Variants in STK3 observed in about 807,000 individuals in gnomAD.
The protein encoded by STK3 is serine/threonine kinase 3.
STK3 carries 41 observed loss-of-function variants against 58.0 expected under a neutral mutation model. That is an observed-to-expected ratio of 0.71 (90% CI 0.55 to 0.92). The LOEUF (loss-of-function observed/expected upper bound fraction) is 0.92, where lower values mean the gene tolerates loss of function less well. Ranked by LOEUF, STK3 falls within the 40% of genes least tolerant of loss-of-function variation. The pLI is 0.00. For synonymous variants in STK3, 170 were observed against 191.0 expected (o/e 0.89, Z 0.91); for missense variants, 479 against 602.7 (o/e 0.79, Z 2.15).
At chr8:98,620,925 A>AAT (rs1563814568) in intron 6 of STK3, among the ~76,000 whole-genome samples, 2 of 130,254 alleles carry the variant, frequency 1.5e-5, no homozygotes, top group Non-Finnish European at 1.6e-5. Context: ...AAAACAACTG[A>AAT]TTTTTTTTTT....
In STK3 at chr8:98,607,063, T is replaced by C. The variant is rs182752464; in HGVS notation, c.685-10894A>G. ...GGTTAGCAGTAGAACAGAACCACAG[T>C]ACACTCAATTTGTGTTGAAATAGAA... is the stretch of plus-strand genomic sequence containing the variant. On this transcript the variant is annotated intron_variant, in intron 6 of 10. Transcript: ENST00000419617. Among the ~76,000 whole-genome samples the C allele has an allele frequency of 3.0e-4, 45 of 152,342 alleles. No individual in the cohort carries two copies. The East Asian group carries it at 8.7e-3, about 29-fold the overall frequency.
At chr8:98,907,995 C>T (rs1466578984) in intron 1 of STK3, among the ~76,000 whole-genome samples, 3 of 152,184 alleles carry the variant, frequency 2.0e-5, no homozygotes, top group African/African-American at 7.2e-5. Flanking sequence ...TTCCTCTACT[C>T]CCCTTTATCT....
intron 10 of STK3, among the ~76,000 whole-genome samples, chr8:98,501,871 T>C (rs1823628951): frequency 6.6e-6 from 1 of 152,238 alleles, no homozygotes; most frequent in South Asian, 2.1e-4. Context: ...TTGCTTAGGA[T>C]TGTATTGCCT....
intron 1 of STK3, among the ~76,000 whole-genome samples, chr8:98,925,408 G>A (rs1839750198): frequency 6.6e-6 from 1 of 152,188 alleles, no homozygotes; most frequent in Non-Finnish European, 1.5e-5. Flanking sequence ...AAGTTCCTTA[G>A]CTCTCCCAAG....
chr8:98,485,429 TAGTC>T (rs909766084), intron 10 of STK3, among the ~76,000 whole-genome samples: 33 of 152,218 alleles, frequency 2.2e-4, no homozygotes, highest in African/African-American at 7.2e-4. Flanking sequence ...CTCTAGAAAA[TAGTC>T]AGCAGAAGAC....
chr8:98,778,200 C>T (rs1366270884), intron 1 of STK3, among the ~76,000 whole-genome samples: 1 of 152,090 alleles, frequency 6.6e-6, no homozygotes, highest in African/African-American at 2.4e-5. Context: ...ACAAACAACC[C>T]CATCAAAAAG....
At chr8:98,352,417 T>A in the STK3 span, among the ~76,000 whole-genome samples, 1 of 152,134 alleles carries the variant, frequency 6.6e-6, no homozygotes, top group African/African-American at 2.4e-5. Flanking sequence ...GCATCCCTAA[T>A]CTGAAAATCT....
At chr8:98,509,148 A>G in intron 10 of STK3, among the ~76,000 whole-genome samples, 1 of 152,104 alleles carries the variant, frequency 6.6e-6, no homozygotes. Context: ...AAATAATTAT[A>G]CGAACAAAAT....
downstream of STK3, among the ~76,000 whole-genome samples, chr8:98,453,498 T>C (rs973674565): frequency 1.3e-5 from 2 of 152,182 alleles, no homozygotes; most frequent in African/African-American, 4.8e-5. Context: ...TCCTAAAATG[T>C]TTTGGAGTTT....
rs111308116 is a variant in STK3 at position 98,614,636 on chromosome 8, G to A, written c.685-18467C>T. On this transcript the variant is annotated intron_variant, in intron 6 of 10. Coordinates refer to ENST00000419617, the MANE Select transcript of STK3 (RefSeq NM_006281.4). ...GCGAGCCGAAGCAGGGCGAGGCATT[G>A]CCTCACCTGGGAAGCGCAAGGGGTC... Among the ~76,000 whole-genome samples, 99 of 152,358 alleles carry A rather than the reference G, an allele frequency of 6.5e-4. 1 individual carries two copies. In the South Asian group the frequency reaches 8.7e-3, roughly 13 times the overall value.
intron 10 of STK3, among the ~76,000 whole-genome samples, chr8:98,456,821 A>G (rs1347247497): frequency 6.6e-6 from 1 of 152,240 alleles, no homozygotes; most frequent in East Asian, 1.9e-4. Context: ...CAAGCTAGGA[A>G]AAATACTCAT....
chr8:98,643,787 T>G lies in STK3; in HGVS notation c.685-47618A>C, dbSNP rs72666670. Among the ~76,000 whole-genome samples the G allele has an allele frequency of 3.5e-3, 534 of 152,170 alleles. 2 individuals carry two copies. Among genetic ancestry groups the G allele is most frequent in the Non-Finnish European group, 6.0e-3 (407 of 67,996 alleles). On this transcript the variant is annotated intron_variant, in intron 6 of 10. Coordinates refer to ENST00000419617, the MANE Select transcript of STK3 (RefSeq NM_006281.4). Reference sequence around the variant, plus strand: ...GCACTCTGGGAGGCCAAAGGAAGGATAGCTTGTGCCTAGAAGTTTGAGACC... The same window carrying G: ...GCACTCTGGGAGGCCAAAGGAAGGAGAGCTTGTGCCTAGAAGTTTGAGACC...
At chr8:98,803,000 A>AT (rs1833657886) in intron 1 of STK3, among the ~76,000 whole-genome samples, 1 of 152,200 alleles carries the variant, frequency 6.6e-6, no homozygotes, top group Admixed American at 6.5e-5. Flanking sequence ...CTGGAACATA[A>AT]TAAGAACAAT....
At chr8:98,540,833 C>A (rs1403662373) in intron 9 of STK3, among the ~76,000 whole-genome samples, 1 of 152,070 alleles carries the variant, frequency 6.6e-6, no homozygotes, top group African/African-American at 2.4e-5. Context: ...AAGCTATATG[C>A]CTGCTAGTTT....
chr8:98,579,678 C>T lies in STK3; in HGVS notation c.934G>A (p.Glu312Lys), dbSNP rs1470741154. ...TAATTACAAACCGAATTTTCTTCTT[C>T]CTCTTCCAATTCTCGTTGCTGTTCC... Reference protein sequence around the residue: ...HEEQQRELEEEEENSDEDELD... With the variant: ...HEEQQRELEEKEENSDEDELD... Residue 312 changes from glutamate (E) to lysine (K), a missense_variant, in exon 8 of 11, where the codon GAA becomes AAA. Around this residue, in one of 3 missense-constraint regions of STK3, gnomAD observed 309 missense variants for 355.7 expected, o/e 0.87. Coordinates refer to ENST00000419617, the MANE Select transcript of STK3 (RefSeq NM_006281.4). The T allele has an allele frequency of 1.7e-5, 28 of 1,606,426 alleles. No homozygotes were observed. Among genetic ancestry groups the T allele is most frequent in the Non-Finnish European group, 2.3e-5 (27 of 1,178,198 alleles).
chr8:98,694,269 T>A (rs1273385686), intron 6 of STK3, among the ~76,000 whole-genome samples: 1 of 152,210 alleles, frequency 6.6e-6, no homozygotes, highest in Non-Finnish European at 1.5e-5. Flanking sequence ...CTCCTTATGT[T>A]TGAAAATATC....
intron 9 of STK3, among the ~76,000 whole-genome samples, chr8:98,534,134 C>A (rs1809567478): frequency 6.6e-6 from 1 of 152,162 alleles, no homozygotes; most frequent in African/African-American, 2.4e-5. Flanking sequence ...ACCTGATTTT[C>A]AGAATATACA....
At chr8:98,903,311 G>A (rs1407922320) in intron 1 of STK3, among the ~76,000 whole-genome samples, 5 of 152,114 alleles carry the variant, frequency 3.3e-5, no homozygotes, top group Admixed American at 1.3e-4. Context: ...TAAAACAATT[G>A]AGTTTTTATG....
intron 6 of STK3, chr8:98,598,423 C>G: frequency 1.0e-6 from 1 of 980,270 alleles, no homozygotes; most frequent in Non-Finnish European, 1.2e-6. Context: ...ACAGTCCAAA[C>G]AAATAAGTCT....
Sources: gnomAD v4.1 joint callset for allele counts (sites outside exome capture counted in the v4.1 genomes callset) on GRCh38, gnomAD v4.1.1 for gene constraint, gnomAD v4.1.1 regional missense constraint, MANE v1.5 for transcripts, NCBI Gene and HGNC (gene_info 2026-07-23, HGNC 2026-07-21) for gene names.